CLCC1: variants seen among roughly 807,000 people sequenced by gnomAD.
CLCC1 encodes the protein chloride channel CLIC like 1, also known as chloride channel CLIC-like protein 1.
CLCC1 carries 39 observed loss-of-function variants against 63.3 expected under a neutral mutation model. The observed-to-expected ratio is 0.62, with a 90% CI of 0.48 to 0.81. The LOEUF (loss-of-function observed/expected upper bound fraction) is 0.81. CLCC1 is among the 30% of genes least tolerant of loss of function. The pLI is 0.00. For missense variants in CLCC1, 549 were observed against 669.4 expected (o/e 0.82, Z 1.98); for synonymous variants, 217 against 239.8 (o/e 0.90, Z 0.88).
chr1:108,951,766 CTTTTTTTT>C, intron 2 of CLCC1, among the ~76,000 whole-genome samples: 1 of 132,282 alleles, frequency 7.6e-6, no homozygotes, highest in East Asian at 2.2e-4. Flanking sequence ...GAATTGTATA[CTTTTTTTT>C]TTTTTTTTTT....
intron 2 of CLCC1, among the ~76,000 whole-genome samples, chr1:108,951,766 CTT>C (rs34333498): frequency 2.8e-4 from 37 of 132,234 alleles, no homozygotes; most frequent in Admixed American, 3.9e-4. Flanking sequence ...GAATTGTATA[CTT>C]TTTTTTTTTT....
intron 2 of CLCC1, among the ~76,000 whole-genome samples, chr1:108,957,595 T>C (rs930480528): frequency 2.0e-5 from 3 of 151,592 alleles, no homozygotes; most frequent in Non-Finnish European, 4.4e-5. Context: ...AAATACACTA[T>C]AGAAATTGCT....
Position 108,930,243 on chromosome 1 carries a change from T to C in CLCC1, c.*2304A>G, listed in dbSNP as rs1352547934. 1 of 290,768 alleles carries C rather than the reference T, an allele frequency of 3.4e-6. No homozygotes were observed. Among genetic ancestry groups the C allele is most frequent in the African/African-American group, 2.2e-5 (1 of 46,130 alleles). The allele number at this position is 290,768 out of a possible 1,614,324, so 18.0% of individuals were successfully genotyped here. On this transcript the variant is annotated 3_prime_UTR_variant, in exon 13 of 13. Coordinates refer to ENST00000369969, the MANE Select transcript of CLCC1 (RefSeq NM_001377458.1). ...AGTAGGAAGTTAAGTGAATCATAGA[T>C]TAGAATTTAATACTCTTATGGAAAT...
chr1:108,955,147 G>A lies in CLCC1; in HGVS notation c.-11-4699C>T, dbSNP rs531102656. Among the ~76,000 whole-genome samples the A allele has an allele frequency of 2.0e-5, 3 of 150,990 alleles. No homozygotes were observed. The South Asian group carries it at 6.2e-4, about 31-fold the overall frequency. ...GGCATGAGCCACCATGCTGGGCACTGTCTTAAGTTACAGGGATACCAGGAG... is the reference window on the plus strand; with the variant it reads ...GGCATGAGCCACCATGCTGGGCACTATCTTAAGTTACAGGGATACCAGGAG... On this transcript the variant is annotated intron_variant, in intron 2 of 12. Transcript: ENST00000369969.
chr1:108,953,294 T>C (rs746249898), intron 2 of CLCC1, among the ~76,000 whole-genome samples: 6 of 152,236 alleles, frequency 3.9e-5, no homozygotes, highest in Non-Finnish European at 7.3e-5. Context: ...GCAATGAAAT[T>C]AGCCATTTAT....
intron 11 of CLCC1, among the ~76,000 whole-genome samples, chr1:108,935,922 G>C (rs1227003757): frequency 6.6e-6 from 1 of 152,060 alleles, no homozygotes; most frequent in Non-Finnish European, 1.5e-5. Flanking sequence ...GAGAAGAGGT[G>C]ACCAGAGAGG....
chr1:108,949,927 A>C lies in CLCC1; in HGVS notation c.130-6T>G, dbSNP rs1259130113. ...CCTGAAATACCATATTTTGCCTAAAACAGAGTATAGAAACATTTTATTTCT... is the reference window on the plus strand; with the variant it reads ...CCTGAAATACCATATTTTGCCTAAACCAGAGTATAGAAACATTTTATTTCT... On this transcript the variant is annotated splice_region_variant and splice_polypyrimidine_tract_variant and intron_variant, in intron 3 of 12. Coordinates refer to ENST00000369969, the MANE Select transcript of CLCC1 (RefSeq NM_001377458.1). 6.5e-7 allele frequency: 1 copy of C among 1,532,496 alleles called. No individual in the cohort carries two copies. Among genetic ancestry groups the C allele is most frequent in the African/African-American group, 1.4e-5 (1 of 72,612 alleles). 94.9% of individuals were successfully genotyped at this position (1,532,496 alleles called of 1,614,324 possible). A position where few individuals can be genotyped will look rare whatever the true frequency, so the allele number is the denominator to read the frequency against.
chr1:108,956,428 G>A (rs1456261034), intron 2 of CLCC1, among the ~76,000 whole-genome samples: 3 of 151,358 alleles, frequency 2.0e-5, no homozygotes, highest in Non-Finnish European at 2.9e-5. Context: ...TTGGGAGGCT[G>A]AGGCAGGCGG....
intron 2 of CLCC1, among the ~76,000 whole-genome samples, chr1:108,958,803 C>T (rs1361368711): frequency 2.0e-5 from 3 of 151,094 alleles, no homozygotes; most frequent in Admixed American, 6.6e-5. Context: ...TTGCTTAAAC[C>T]CGGGAGGCGG....
At chr1:108,938,063 C>T (rs776225681) in intron 10 of CLCC1, among the ~76,000 whole-genome samples, 1 of 152,202 alleles carries the variant, frequency 6.6e-6, no homozygotes, top group Non-Finnish European at 1.5e-5. Flanking sequence ...GCTAGAGTGA[C>T]AGCCTCACTC....
chr1:108,953,675 C>G (rs896995159), intron 2 of CLCC1, among the ~76,000 whole-genome samples: 1 of 152,128 alleles, frequency 6.6e-6, no homozygotes, highest in African/African-American at 2.4e-5. Flanking sequence ...GCAAATAAAG[C>G]CATAGCAAGG....
chr1:108,938,070 AC>A (rs1335686691), intron 10 of CLCC1, among the ~76,000 whole-genome samples: 3 of 152,120 alleles, frequency 2.0e-5, no homozygotes, highest in Non-Finnish European at 4.4e-5. Flanking sequence ...TGACAGCCTC[AC>A]TCAGACTCAG....
intron 5 of CLCC1, among the ~76,000 whole-genome samples, chr1:108,947,110 G>C (rs988911333): frequency 6.6e-6 from 1 of 152,040 alleles, no homozygotes; most frequent in Non-Finnish European, 1.5e-5. Flanking sequence ...GTTGTAGTGA[G>C]CCAAGATTGC....
intron 5 of CLCC1, among the ~76,000 whole-genome samples, chr1:108,947,163 C>T (rs536629262): frequency 1.7e-3 from 244 of 141,796 alleles, no homozygotes; most frequent in Middle Eastern, 7.2e-3. Flanking sequence ...GACTCTGTCT[C>T]AAAAAAAAAA....
intron 10 of CLCC1, 62 bp downstream of exon 10, chr1:108,939,574 G>A (rs1653545680): frequency 4.0e-6 from 6 of 1,492,856 alleles, no homozygotes; most frequent in Non-Finnish European, 5.5e-6. Context: ...CTCCCAAAGT[G>A]CTGGGATTAC....
chr1:108,936,043 G>C (rs909994345), intron 11 of CLCC1, among the ~76,000 whole-genome samples: 1 of 151,230 alleles, frequency 6.6e-6, no homozygotes, highest in South Asian at 2.1e-4. Flanking sequence ...ATAGGTGACA[G>C]GTAATTACTA....
At chr1:108,938,945 T>C (rs1004316634) in intron 10 of CLCC1, among the ~76,000 whole-genome samples, 2 of 152,024 alleles carry the variant, frequency 1.3e-5, no homozygotes, top group Admixed American at 6.6e-5. Context: ...AAGTATAATA[T>C]GTCTGTATCA....
intron 12 of CLCC1, 141 bp from the exon 13 acceptor site, chr1:108,932,642 G>A (rs1407603924): frequency 6.6e-6 from 1 of 152,212 alleles, no homozygotes; most frequent in African/African-American, 2.4e-5. Context: ...ACTTTTCAGA[G>A]TCAGATCACA....
rs1449429107 is a variant in CLCC1 at position 108,943,566 on chromosome 1, C to T, written c.611G>A (p.Trp204Ter). ...CTGAGTGTACCAACGTACATATGTC[C>T]ACAGCTCAGTAGCCACTAAAACCAC... ...CIVVLVATEL[W>*]TYVRWYTQLR... The change falls in exon 7 of 13, where the codon TGG (tryptophan) becomes TAG (stop). Residue 204 changes from tryptophan to a stop codon, truncating the protein, a stop_gained. Transcript: ENST00000369969. LOFTEE classifies it high-confidence loss of function. 1 of 1,613,882 alleles carries T rather than the reference C, an allele frequency of 6.2e-7. No individual in the cohort carries two copies. Among genetic ancestry groups the T allele is most frequent in the Non-Finnish European group, 8.5e-7 (1 of 1,179,928 alleles).
Sources: allele counts gnomAD v4.1 joint callset (sites outside exome capture counted in the v4.1 genomes callset), GRCh38; gene constraint gnomAD v4.1.1; transcripts MANE v1.5; gene names NCBI Gene and HGNC (gene_info 2026-07-23, HGNC 2026-07-21).